Variants in SPOCK3 observed in about 807,000 individuals in gnomAD.
SPOCK3 encodes SPARC (osteonectin), cwcv and kazal like domains proteoglycan 3, also known as testican-3.
In SPOCK3, 30 loss-of-function variants were observed where a neutral mutation model predicts 56.6. The observed-to-expected ratio is 0.53, with a 90% CI of 0.40 to 0.72. The LOEUF (loss-of-function observed/expected upper bound fraction) is 0.72, where lower values mean the gene tolerates loss of function less well. Among genes scored for constraint, SPOCK3 ranks in the 30% least tolerant of loss-of-function variants. SPOCK3 has a pLI of 0.00. For missense variants in SPOCK3, 527 were observed against 530.0 expected, an observed-to-expected ratio of 0.99 and a Z score of 0.06; for synonymous variants, 196 against 183.3, an observed-to-expected ratio of 1.07 and a Z score of -0.56.
chr4:166,892,544 C>G (rs890496272), intron 5 of SPOCK3, among the ~76,000 whole-genome samples: 3 of 151,628 alleles, frequency 2.0e-5, no homozygotes, highest in African/African-American at 7.3e-5. Context: ...TTAGCTATAC[C>G]CACTGATTGC....
intron 2 of SPOCK3, among the ~76,000 whole-genome samples, chr4:167,196,643 G>A (rs1732982562): frequency 1.3e-5 from 2 of 152,098 alleles, no homozygotes; most frequent in South Asian, 4.2e-4. Flanking sequence ...CATATTTTGT[G>A]CAGCTGCATT....
rs557354596 is a variant in SPOCK3 at position 167,141,225 on chromosome 4, G to A, written c.190-78688C>T. ...CCAAAATGCCAATATGGCAAATCTG[G>A]AAGCTCATATGAGATGTTGTACAGT... is the stretch of plus-strand genomic sequence containing the variant. On this transcript the variant is annotated intron_variant, in intron 2 of 10. Transcript: ENST00000357545. Among the ~76,000 whole-genome samples the A allele has an allele frequency of 5.3e-5, 8 of 152,070 alleles. No homozygotes were observed. The East Asian group carries it at 1.4e-3, about 26-fold the overall frequency.
chr4:166,852,210 G>A (rs1220993587), intron 6 of SPOCK3, among the ~76,000 whole-genome samples: 2 of 151,990 alleles, frequency 1.3e-5, no homozygotes, highest in Non-Finnish European at 2.9e-5. Flanking sequence ...TGACGAGTTA[G>A]TGGGTGCAGC....
chr4:166,935,119 G>A (rs1024591624), intron 4 of SPOCK3, among the ~76,000 whole-genome samples: 2 of 152,116 alleles, frequency 1.3e-5, no homozygotes, highest in African/African-American at 2.4e-5. Context: ...TCAGACTTAC[G>A]GGGCTGTGGA....
At position 166,792,714 on chromosome 4, in the gene SPOCK3, T is replaced by C. The variant is rs78014358; in HGVS notation, c.590-425A>G. Among the ~76,000 whole-genome samples the C allele has an allele frequency of 2.2e-3, 339 of 152,288 alleles. 9 individuals are homozygous for C. In the East Asian group the frequency reaches 0.049, roughly 22 times the overall value. On this transcript the variant is annotated intron_variant, in intron 6 of 10. Transcript: ENST00000357545. ...AGATGTCACAATTTATAATTATTTA[T>C]TCATATACTCAGTATATGTAGGAAT...
At chr4:167,061,565 G>A (rs1187298364) in intron 3 of SPOCK3, among the ~76,000 whole-genome samples, 1 of 151,858 alleles carries the variant, frequency 6.6e-6, no homozygotes, top group Non-Finnish European at 1.5e-5. Context: ...CATACAGCTT[G>A]GTTGTTGTAG....
At chr4:167,014,856 G>A (rs999046445) in intron 3 of SPOCK3, among the ~76,000 whole-genome samples, 6 of 151,836 alleles carry the variant, frequency 4.0e-5, no homozygotes, top group African/African-American at 1.2e-4. Flanking sequence ...TTCTTAAATC[G>A]GGTATCCGCA....
At chr4:166,780,208 G>A (rs183106634) in intron 7 of SPOCK3, among the ~76,000 whole-genome samples, 1 of 152,178 alleles carries the variant, frequency 6.6e-6, no homozygotes, top group Admixed American at 6.6e-5. Flanking sequence ...CTCCAAGAAA[G>A]GATGGAATGT....
intron 4 of SPOCK3, among the ~76,000 whole-genome samples, chr4:166,973,943 T>C (rs1422924804): frequency 6.6e-6 from 1 of 152,192 alleles, no homozygotes; most frequent in African/African-American, 2.4e-5. Flanking sequence ...CAGTTGGCTA[T>C]GGCTAAGATA....
intron 6 of SPOCK3, among the ~76,000 whole-genome samples, chr4:166,797,629 T>C (rs1452807385): frequency 2.6e-5 from 4 of 152,076 alleles, no homozygotes; most frequent in Non-Finnish European, 5.9e-5. Flanking sequence ...GGAAACATTT[T>C]AACATTTTTT....
intron 6 of SPOCK3, among the ~76,000 whole-genome samples, chr4:166,832,013 G>C (rs1003225951): frequency 4.0e-5 from 6 of 151,828 alleles, no homozygotes; most frequent in African/African-American, 1.5e-4. Context: ...GTTTGCAAAT[G>C]TTTTCTCCCA....
intron 2 of SPOCK3, among the ~76,000 whole-genome samples, chr4:167,231,639 G>A (rs1444836755): frequency 1.3e-5 from 2 of 152,028 alleles, no homozygotes; most frequent in Non-Finnish European, 2.9e-5. Context: ...GAGAGCTACA[G>A]AAAAGATTAT....
At chr4:167,171,707 A>G (rs2150467826) in intron 2 of SPOCK3, among the ~76,000 whole-genome samples, 1 of 152,276 alleles carries the variant, frequency 6.6e-6, no homozygotes, top group East Asian at 1.9e-4. Context: ...TAATGATACT[A>G]TATTTTGATT....
At chr4:166,740,801 C>T (rs1221865472) in intron 9 of SPOCK3, among the ~76,000 whole-genome samples, 2 of 152,112 alleles carry the variant, frequency 1.3e-5, no homozygotes, top group African/African-American at 2.4e-5. Context: ...GTTGGGATTA[C>T]AGGCGTGAGC....
At chr4:167,135,685 G>A (rs1763058819) in intron 2 of SPOCK3, among the ~76,000 whole-genome samples, 2 of 12,710 alleles carry the variant, frequency 1.6e-4, no homozygotes, top group South Asian at 5.7e-3. Flanking sequence ...TAAAACGTGT[G>A]TGTGTGTGTG....
chr4:167,213,425 A>C (rs1735064436), intron 2 of SPOCK3, among the ~76,000 whole-genome samples: 1 of 152,194 alleles, frequency 6.6e-6, no homozygotes, highest in South Asian at 2.1e-4. Context: ...AAATTGCATT[A>C]ATGATAACAT....
chr4:167,069,976 A>G (rs1351283548), intron 2 of SPOCK3, among the ~76,000 whole-genome samples: 2 of 151,864 alleles, frequency 1.3e-5, no homozygotes, highest in African/African-American at 4.8e-5. Context: ...GTTATTCTGA[A>G]TCCAAACTTA....
intron 2 of SPOCK3, among the ~76,000 whole-genome samples, chr4:167,135,680 C>CGTGTGTGTGTGT (rs57918767): frequency 2.1e-4 from 31 of 147,772 alleles, no homozygotes; most frequent in East Asian, 6.1e-4. Context: ...CTATATAAAA[C>CGTGTGTGTGTGT]GTGTGTGTGT....
chr4:167,070,554 A>G (rs1173605376), intron 2 of SPOCK3, among the ~76,000 whole-genome samples: 3 of 151,910 alleles, frequency 2.0e-5, no homozygotes, highest in Non-Finnish European at 2.9e-5. Context: ...GAATTTTCCT[A>G]TTATAATTAA....
Sources: allele counts gnomAD v4.1 joint callset (sites outside exome capture counted in the v4.1 genomes callset), GRCh38; gene constraint gnomAD v4.1.1; transcripts MANE v1.5; gene names NCBI Gene and HGNC (gene_info 2026-07-23, HGNC 2026-07-21).